The following SRP68 variants were observed in gnomAD, a reference collection of about 807,000 sequenced individuals.
The protein encoded by SRP68 is signal recognition particle subunit SRP68.
Under a neutral mutation model 82.2 loss-of-function variants are expected in SRP68, and 15 were observed. That is an observed-to-expected ratio of 0.18 (90% confidence interval 0.12 to 0.28). The LOEUF is 0.28. Among genes scored for constraint, SRP68 ranks in the 10% least tolerant of loss-of-function variants. SRP68 has a pLI of 1.00. For missense variants in SRP68, 595 were observed against 780.5 expected, an observed-to-expected ratio of 0.76 and a Z score of 2.83; for synonymous variants, 261 against 292.6, an observed-to-expected ratio of 0.89 and a Z score of 1.10.
At chr17:76,065,177 T>C (rs1005678276) in intron 3 of SRP68, among the ~76,000 whole-genome samples, 12 of 151,976 alleles carry the variant, frequency 7.9e-5, no homozygotes, top group African/African-American at 2.2e-4. Context: ...AGGCTCGGTG[T>C]AGTGGCTCAT....
chr17:76,068,123 C>T (rs2066821018), intron 2 of SRP68, among the ~76,000 whole-genome samples: 1 of 152,038 alleles, frequency 6.6e-6, no homozygotes, highest in Non-Finnish European at 1.5e-5. Context: ...GAAACCCCGT[C>T]TCTACTAAAA....
chr17:76,041,022 C>G, intron 13 of SRP68, 44 bp from the exon 14 acceptor site: 1 of 1,548,216 alleles, frequency 6.5e-7, no homozygotes, highest in Non-Finnish European at 8.9e-7. Context: ...AGGGCCAGGT[C>G]AGAGAAGCAC....
At chr17:76,041,848 A>C (rs1337714649) in intron 13 of SRP68, among the ~76,000 whole-genome samples, 8 of 150,096 alleles carry the variant, frequency 5.3e-5, no homozygotes, top group Non-Finnish European at 7.4e-5. Context: ...AGCAGCTCCT[A>C]CACTGGCTGG....
intron 7 of SRP68, among the ~76,000 whole-genome samples, chr17:76,058,961 G>A (rs1299617128): frequency 6.6e-6 from 1 of 152,176 alleles, no homozygotes; most frequent in Admixed American, 6.5e-5. Flanking sequence ...TGGATAAGGT[G>A]GATCATGCCT....
chr17:76,070,181 GC>G (rs1339488126), intron 2 of SRP68, among the ~76,000 whole-genome samples, 196 bp downstream of exon 2: 2 of 128,878 alleles, frequency 1.6e-5, no homozygotes, highest in African/African-American at 6.4e-5. Context: ...CCAACATTGC[GC>G]CACTGCACTC....
rs760011014 is a variant in SRP68 at position 76,072,502 on chromosome 17, C to A, written c.-11G>T. On this transcript the variant is annotated 5_prime_UTR_variant, in exon 1 of 16. Transcript: ENST00000307877. The surrounding 1 kb of genome is among the most constrained non-coding windows in gnomAD (Gnocchi z 4.5). ...CTTCTCAGCAGCCATCTTGCCCCTG[C>A]GCCGCAGAGCAAGACGGGATAGGGG... 4.4e-6 allele frequency: 7 copies of A among 1,580,530 alleles called. No homozygotes were observed. Among genetic ancestry groups the A allele is most frequent in the Admixed American group, 3.5e-5 (2 of 56,646 alleles).
intron 10 of SRP68, among the ~76,000 whole-genome samples, chr17:76,047,032 C>G (rs938846529): frequency 6.6e-6 from 1 of 152,038 alleles, no homozygotes; most frequent in Non-Finnish European, 1.5e-5. Flanking sequence ...CACCTGAGCC[C>G]GGGAGGCAAA....
chr17:76,062,739 A>T lies in SRP68; in HGVS notation c.562-1165T>A, dbSNP rs562629749. On this transcript the variant is annotated intron_variant, in intron 4 of 15. Coordinates refer to ENST00000307877, the MANE Select transcript of SRP68 (RefSeq NM_014230.4). ...TATATTATATTTATTTTATATATAT[A>T]TATATATATATATATATATATATAT... Among the ~76,000 whole-genome samples the T allele has an allele frequency of 3.3e-4, 7 of 21,418 alleles. 1 individual carries two copies. The highest frequency in any genetic ancestry group is 2.0e-3 in the African/African-American group (6 of 2,956). 14.1% of individuals were successfully genotyped at this position (21,418 alleles called of 152,430 possible).
chr17:76,066,711 A>G (rs1453408032), intron 3 of SRP68, among the ~76,000 whole-genome samples: 1 of 150,664 alleles, frequency 6.6e-6, no homozygotes, highest in African/African-American at 2.4e-5. Flanking sequence ...CAAAGCTGAG[A>G]CAGTGAATCT....
At chr17:76,046,317 G>C in intron 10 of SRP68, 123 bp from the exon 11 acceptor site, 1 of 1,113,918 alleles carries the variant, frequency 9.0e-7, no homozygotes, top group Admixed American at 2.0e-5. Context: ...GGCCACAGCA[G>C]GGCCATTTGG....
chr17:76,044,255 GA>G (rs1187707404), intron 12 of SRP68, among the ~76,000 whole-genome samples: 2 of 152,222 alleles, frequency 1.3e-5, no homozygotes, highest in African/African-American at 4.8e-5. Context: ...CTGGGGACAG[GA>G]AGGAAGGAAG....
intron 7 of SRP68, among the ~76,000 whole-genome samples, chr17:76,058,491 T>C (rs2072340562): frequency 6.6e-6 from 1 of 152,146 alleles, no homozygotes; most frequent in African/African-American, 2.4e-5. Flanking sequence ...ACTCCTGGGC[T>C]CGAGTTATCC....
Position 76,043,541 on chromosome 17 carries a change from G to A in SRP68, c.1524+288C>T, listed in dbSNP as rs184006308. On this transcript the variant is annotated intron_variant, in intron 13 of 15. Coordinates refer to ENST00000307877, the MANE Select transcript of SRP68 (RefSeq NM_014230.4). ...AAATCTTCCTAAGAGATTTCAACGTGCAGTCAAGTCTGAGAGCAGTACTTC... is the reference window on the plus strand; with the variant it reads ...AAATCTTCCTAAGAGATTTCAACGTACAGTCAAGTCTGAGAGCAGTACTTC... 38 of 200,956 alleles carry A rather than the reference G, an allele frequency of 1.9e-4. No homozygotes were observed. The Admixed American group carries it at 1.9e-3, about 10-fold the overall frequency. The allele number at this position is 200,956 out of a possible 1,614,324, so 12.4% of individuals were successfully genotyped here. A position where few individuals can be genotyped will look rare whatever the true frequency, so the allele number is the denominator to read the frequency against.
rs764701588 is a variant in SRP68 at position 76,047,996 on chromosome 17, G to C, written c.1078-26C>G. On this transcript the variant is annotated intron_variant, in intron 9 of 15. Transcript: ENST00000307877. ...CTGCAGAAAGTGAAAAAGGTAAAAA[G>C]TAAAGCAACTGATGCTCTCCATCGC... 11 of 1,506,406 alleles carry C rather than the reference G, an allele frequency of 7.3e-6. No homozygotes were observed. The East Asian group carries it at 2.5e-4, about 35-fold the overall frequency. The allele number at this position is 1,506,406 out of a possible 1,614,324, so 93.3% of individuals were successfully genotyped here. A position where few individuals can be genotyped will look rare whatever the true frequency, so the allele number is the denominator to read the frequency against.
In SRP68 at chr17:76,047,954, A is replaced by G. The variant is rs1230165173; in HGVS notation, c.1094T>C (p.Ile365Thr). Reference sequence around the variant, plus strand: ...CACCTTCCCTGGCTCTCCTTCAAGGATATAATCTCTCTGTTTCTGCAGAAA... The same window carrying G: ...CACCTTCCCTGGCTCTCCTTCAAGGGTATAATCTCTCTGTTTCTGCAGAAA... Reference protein sequence around the residue: ...LKPDQKQRDYILEGEPGKVSN... With the variant: ...LKPDQKQRDYTLEGEPGKVSN... Residue 365 changes from isoleucine (I) to threonine (T), a missense_variant, in exon 10 of 16, where the codon ATC (isoleucine) becomes ACC (threonine). Physicochemically the swap from Ile to Thr is moderately conservative, Grantham distance 89 (BLOSUM62 -1). Coordinates refer to ENST00000307877, the MANE Select transcript of SRP68 (RefSeq NM_014230.4). The G allele has an allele frequency of 6.3e-6, 10 of 1,576,732 alleles. No individual in the cohort carries two copies. Among genetic ancestry groups the G allele is most frequent in the South Asian group, 1.2e-5 (1 of 83,776 alleles).
At chr17:76,060,449 A>G in intron 6 of SRP68, 59 bp from the exon 7 acceptor site, 1 of 1,271,336 alleles carries the variant, frequency 7.9e-7, no homozygotes, top group Non-Finnish European at 1.1e-6. Context: ...GAGAATCACT[A>G]GATTCAACTC....
chr17:76,069,373 C>T (rs185925381), intron 2 of SRP68, among the ~76,000 whole-genome samples: 5 of 144,476 alleles, frequency 3.5e-5, no homozygotes, highest in African/African-American at 1.3e-4. Flanking sequence ...GGGTGACAGA[C>T]AAAGACTCTG....
At chr17:76,051,969 G>A (rs1184673833) in intron 8 of SRP68, among the ~76,000 whole-genome samples, 1 of 152,158 alleles carries the variant, frequency 6.6e-6, no homozygotes, top group Non-Finnish European at 1.5e-5. Flanking sequence ...GTATAGTGCC[G>A]TGATCTCGTC....
chr17:76,039,883 G>A lies in SRP68; in HGVS notation c.1707C>T (p.Thr569=), dbSNP rs1419042622. The part of the protein sequence containing the change: ...ETFCLDPSLV[T]KQANLVHFPP... Reference sequence around the variant, plus strand: ...GGAAGTGCACAAGGTTGGCTTGCTTGGTGACAAGGGAAGGGTCCAGGCAGA... The same window carrying A: ...GGAAGTGCACAAGGTTGGCTTGCTTAGTGACAAGGGAAGGGTCCAGGCAGA... The change falls in exon 16 of 16, where the codon ACC becomes ACT. Residue 569 remains threonine, a synonymous_variant. Transcript: ENST00000307877. 1 of 1,614,256 alleles carries A rather than the reference G, an allele frequency of 6.2e-7. No homozygotes were observed. Among genetic ancestry groups the A allele is most frequent in the East Asian group, 2.2e-5 (1 of 44,886 alleles).
Sources: gnomAD v4.1 joint callset for allele counts (sites outside exome capture counted in the v4.1 genomes callset) on GRCh38, gnomAD v4.1.1 for gene constraint, Gnocchi (gnomAD v3.1) non-coding constraint, MANE v1.5 for transcripts, NCBI Gene and HGNC (gene_info 2026-07-23, HGNC 2026-07-21) for gene names.